The following PCDHGA1 variants were observed in gnomAD, a reference collection of about 807,000 sequenced individuals.
PCDHGA1 encodes the protein protocadherin gamma-A1.
In PCDHGA1, 32 loss-of-function variants were observed where a neutral mutation model predicts 58.0. The ratio of observed to expected loss-of-function variants is 0.55; its 90% confidence interval spans 0.42 to 0.74. The LOEUF is 0.74. PCDHGA1 is among the 30% of genes least tolerant of loss of function. The pLI is 0.00. For synonymous variants in PCDHGA1, 498 were observed against 501.1 expected, an observed-to-expected ratio of 0.99 and a Z score of 0.08; for missense variants, 1,205 against 1,182.3, an observed-to-expected ratio of 1.02 and a Z score of -0.28.
At chr5:141,377,317 T>C (rs1355098405) in intron 1 of PCDHGA1, 3 of 152,140 alleles carry the variant, frequency 2.0e-5, no homozygotes, top group African/African-American at 7.2e-5. Context: ...GATCAAGATC[T>C]TGGTTTTAGC....
At chr5:141,361,156 A>C in intron 1 of PCDHGA1, 1 of 1,613,960 alleles carries the variant, frequency 6.2e-7, no homozygotes. Flanking sequence ...TCTTGATGAC[A>C]ACGATTGTGC....
chr5:141,473,784 G>A (rs1457988232), intron 1 of PCDHGA1, among the ~76,000 whole-genome samples: 1 of 152,226 alleles, frequency 6.6e-6, no homozygotes, highest in Non-Finnish European at 1.5e-5. Flanking sequence ...TTTAATTCAA[G>A]AGCAGTATGA....
At chr5:141,467,924 G>A (rs2099154404) in intron 1 of PCDHGA1, among the ~76,000 whole-genome samples, 1 of 152,042 alleles carries the variant, frequency 6.6e-6, no homozygotes, top group Non-Finnish European at 1.5e-5. Context: ...CTCCCAAAAT[G>A]CTAGGATTAC....
chr5:141,502,028 G>A (rs561260963), intron 2 of PCDHGA1, among the ~76,000 whole-genome samples: 62 of 152,150 alleles, frequency 4.1e-4, no homozygotes, highest in African/African-American at 1.5e-3. Flanking sequence ...TGCAACCCCC[G>A]CCGCTTGCCT....
intron 1 of PCDHGA1, chr5:141,421,708 C>T (rs2096594348): frequency 1.9e-6 from 3 of 1,613,780 alleles, no homozygotes; most frequent in South Asian, 2.2e-5. Flanking sequence ...TGCTAGGGAT[C>T]CAGATGTGGG....
chr5:141,383,377 C>G (rs527434740), intron 1 of PCDHGA1: 1 of 1,614,010 alleles, frequency 6.2e-7, no homozygotes, highest in African/African-American at 1.3e-5. Context: ...GGCTGGGGAT[C>G]CAGATGTGGG....
rs745457172 is a variant in PCDHGA1 at position 141,490,744 on chromosome 5, C to T, written c.2422-4063C>T. The stretch of plus-strand genomic sequence containing the variant: ...TGTAGGAAATCAGGTTCAGGGAGCC[C>T]CAGCCTCCTCCTTTGTGTATGTCAA... On this transcript the variant is annotated intron_variant, in intron 1 of 3. Coordinates refer to ENST00000517417, the MANE Select transcript of PCDHGA1 (RefSeq NM_018912.3). The surrounding 1 kb of genome is among the most constrained non-coding windows in gnomAD (Gnocchi z 5.4). 1 of 1,614,142 alleles carries T rather than the reference C, an allele frequency of 6.2e-7. No homozygotes were observed. Among genetic ancestry groups the T allele is most frequent in the Non-Finnish European group, 8.5e-7 (1 of 1,180,006 alleles).
At chr5:141,343,815 T>C in intron 1 of PCDHGA1, 1 of 474,858 alleles carries the variant, frequency 2.1e-6, no homozygotes, top group Non-Finnish European at 3.7e-6. Flanking sequence ...AGAACGCAGC[T>C]GGAGAACTAG....
chr5:141,438,288 G>C (rs752722248), intron 1 of PCDHGA1, among the ~76,000 whole-genome samples: 18 of 151,902 alleles, frequency 1.2e-4, no homozygotes, highest in Non-Finnish European at 2.1e-4. Flanking sequence ...AATTTAATCT[G>C]TATGTAAAAG....
chr5:141,345,592 TCGACTA>T (rs1358131056), intron 1 of PCDHGA1: 2 of 1,614,038 alleles, frequency 1.2e-6, no homozygotes, highest in African/African-American at 2.7e-5. Flanking sequence ...CTGAGATCCT[TCGACTA>T]CGAGCAATTT....
chr5:141,389,303 G>A (rs773665051), intron 1 of PCDHGA1: 4 of 1,613,882 alleles, frequency 2.5e-6, no homozygotes, highest in Non-Finnish European at 3.4e-6. Context: ...CACAAGTCAG[G>A]GCTTCTGATC....
chr5:141,429,264 A>T (rs1029363907), intron 1 of PCDHGA1: 1 of 151,938 alleles, frequency 6.6e-6, no homozygotes, highest in Non-Finnish European at 1.5e-5. Flanking sequence ...TGAGGAATAA[A>T]TTTTTTTCCT....
intron 1 of PCDHGA1, chr5:141,364,871 G>T (rs775321480): frequency 3.7e-6 from 6 of 1,614,010 alleles, no homozygotes; most frequent in Non-Finnish European, 5.1e-6. Flanking sequence ...CTTCTCTCTG[G>T]ATGTGGTAAG....
intron 1 of PCDHGA1, among the ~76,000 whole-genome samples, chr5:141,439,168 G>C (rs2098092980): frequency 6.6e-6 from 1 of 150,792 alleles, no homozygotes; most frequent in Non-Finnish European, 1.5e-5. Context: ...ACTCCAGCCT[G>C]GGCGACATAG....
chr5:141,511,276 T>A lies in PCDHGA1; in HGVS notation c.*103T>A. ...AGAGTTTCAGGGCTAACCCCCAGAA[T>A]ACTGGTAGGGGCCAAGGCCATGCTC... On this transcript the variant is annotated 3_prime_UTR_variant, in exon 4 of 4. Coordinates refer to ENST00000517417, the MANE Select transcript of PCDHGA1 (RefSeq NM_018912.3). 6.5e-7 allele frequency: 1 copy of A among 1,538,086 alleles called. No homozygotes were observed. Among genetic ancestry groups the A allele is most frequent in the Non-Finnish European group, 8.8e-7 (1 of 1,140,722 alleles).
intron 1 of PCDHGA1, chr5:141,379,005 C>T (rs556550665): frequency 4.6e-4 from 70 of 152,174 alleles, no homozygotes; most frequent in Non-Finnish European, 6.8e-4. Context: ...CAAGATTTTT[C>T]TCCAGTCATG....
At chr5:141,473,205 A>G (rs370808895) in intron 1 of PCDHGA1, among the ~76,000 whole-genome samples, 1 of 152,036 alleles carries the variant, frequency 6.6e-6, no homozygotes, top group African/African-American at 2.4e-5. Flanking sequence ...CTTCTAAAAA[A>G]TGCTTACTTC....
Position 141,409,074 on chromosome 5 carries a change from T to C in PCDHGA1, c.2421+75969T>C, listed in dbSNP as rs375843119. The C allele has an allele frequency of 4.3e-5, 69 of 1,613,884 alleles. No homozygotes were observed. Among genetic ancestry groups the C allele is most frequent in the South Asian group, 2.4e-4 (22 of 91,084 alleles). On this transcript the variant is annotated intron_variant, in intron 1 of 3. Coordinates refer to ENST00000517417, the MANE Select transcript of PCDHGA1 (RefSeq NM_018912.3). The stretch of plus-strand genomic sequence containing the variant: ...AGCACTGCCCAGAGCACAAAACATA[T>C]GTTCTCATTGGATGAGAAAACAGGT...
intron 1 of PCDHGA1, chr5:141,365,822 G>T: frequency 6.2e-7 from 1 of 1,613,908 alleles, no homozygotes; most frequent in Non-Finnish European, 8.5e-7. Flanking sequence ...CACATTTCAG[G>T]GGGCGCCCTT....
Sources: gnomAD v4.1 joint callset for allele counts (sites outside exome capture counted in the v4.1 genomes callset) on GRCh38, gnomAD v4.1.1 for gene constraint, Gnocchi (gnomAD v3.1) non-coding constraint, MANE v1.5 for transcripts, NCBI Gene and HGNC (gene_info 2026-07-23, HGNC 2026-07-21) for gene names.